The following GRM3 variants were observed in gnomAD, a reference collection of about 807,000 sequenced individuals.
The protein encoded by GRM3 is metabotropic glutamate receptor 3.
GRM3 carries 26 observed loss-of-function variants against 70.5 expected under a neutral mutation model. The ratio of observed to expected loss-of-function variants is 0.37; its 90% confidence interval spans 0.27 to 0.51. The LOEUF is 0.51. Ranked by LOEUF, GRM3 falls within the 20% of genes least tolerant of loss-of-function variation. The pLI is 0.93. For missense variants in GRM3, 859 were observed against 1,123.8 expected (o/e 0.76, Z 3.37); for synonymous variants, 443 against 434.9 (o/e 1.02, Z -0.23).
At chr7:86,679,220 G>T (rs1403468252) in intron 1 of GRM3, among the ~76,000 whole-genome samples, 1 of 151,906 alleles carries the variant, frequency 6.6e-6, no homozygotes, top group African/African-American at 2.4e-5. Flanking sequence ...TAGATGTGAT[G>T]AATTTGTAGA....
Position 86,644,778 on chromosome 7 carries a change from G to A in GRM3, c.-235G>A. 7.8e-7 allele frequency: 1 copy of A among 1,288,634 alleles called. No individual in the cohort carries two copies. Among genetic ancestry groups the A allele is most frequent in the Non-Finnish European group, 1.0e-6 (1 of 987,774 alleles). 79.8% of individuals were successfully genotyped at this position (1,288,634 alleles called of 1,614,324 possible). A position where few individuals can be genotyped will look rare whatever the true frequency, so the allele number is the denominator to read the frequency against. Reference sequence around the variant, plus strand: ...AGCTACCTCTTTTGTGTCGGATGAGGAGGACCAACCATGAGCCAGAGCCCG... The same window carrying A: ...AGCTACCTCTTTTGTGTCGGATGAGAAGGACCAACCATGAGCCAGAGCCCG... On this transcript the variant is annotated 5_prime_UTR_variant, in exon 1 of 6. Coordinates refer to ENST00000361669, the MANE Select transcript of GRM3 (RefSeq NM_000840.3).
At chr7:86,645,027 G>A (rs754803743) in intron 1 of GRM3, 155 bp downstream of exon 1, 6 of 365,696 alleles carry the variant, frequency 1.6e-5, no homozygotes, top group African/African-American at 2.1e-5. Context: ...GTGGAGGGCA[G>A]AGGCGATGTG....
intron 5 of GRM3, among the ~76,000 whole-genome samples, chr7:86,854,814 T>C (rs990235832): frequency 4.6e-5 from 7 of 152,088 alleles, no homozygotes; most frequent in Non-Finnish European, 1.0e-4. Flanking sequence ...TGCAGGGAGG[T>C]TCTCTAGCCC....
intron 1 of GRM3, among the ~76,000 whole-genome samples, chr7:86,725,137 G>T (rs1795562109): frequency 6.6e-6 from 1 of 151,994 alleles, no homozygotes; most frequent in Admixed American, 6.6e-5. Context: ...TATAACTTTA[G>T]GTACATTTCT....
intron 1 of GRM3, among the ~76,000 whole-genome samples, chr7:86,650,241 G>A (rs1793571991): frequency 6.6e-6 from 1 of 152,138 alleles, no homozygotes; most frequent in Non-Finnish European, 1.5e-5. Flanking sequence ...GCAAGATAAA[G>A]TAACTTGCCC....
intron 1 of GRM3, among the ~76,000 whole-genome samples, chr7:86,684,052 A>G (rs1435821200): frequency 3.3e-5 from 5 of 149,324 alleles, no homozygotes; most frequent in African/African-American, 1.2e-4. Context: ...TTTGCTGGGG[A>G]TTTTTTTTTT....
At position 86,719,109 on chromosome 7, in the gene GRM3, G is replaced by A. The variant is rs139698144; in HGVS notation, c.-140-45897G>A. Among the ~76,000 whole-genome samples the A allele has an allele frequency of 3.9e-5, 6 of 151,930 alleles. No individual in the cohort carries two copies. The East Asian group carries it at 1.2e-3, about 29-fold the overall frequency. On this transcript the variant is annotated intron_variant, in intron 1 of 5. Transcript: ENST00000361669. ...TACTCATCTATATAAAGAAGGTTCTGATCCAAGCAGTTCTGGGGGAAAAAA... is the reference window on the plus strand; with the variant it reads ...TACTCATCTATATAAAGAAGGTTCTAATCCAAGCAGTTCTGGGGGAAAAAA...
intron 1 of GRM3, among the ~76,000 whole-genome samples, chr7:86,689,270 G>C (rs1402933584): frequency 6.6e-6 from 1 of 151,772 alleles, no homozygotes; most frequent in Non-Finnish European, 1.5e-5. Context: ...ACACTATATA[G>C]AAAGTTGCCA....
At position 86,644,603 on chromosome 7, in the gene GRM3, C is replaced by T. The variant is rs1793407237; in HGVS notation, c.-410C>T. ...TTCCCACTCCCCACTGACTCGGATG[C>T]CTGGATGTTCTGCCACCGGGCAGTG... On this transcript the variant is annotated 5_prime_UTR_variant, in exon 1 of 6. Coordinates refer to ENST00000361669, the MANE Select transcript of GRM3 (RefSeq NM_000840.3). 1.3e-4 allele frequency: 55 copies of T among 427,568 alleles called. 1 individual carries two copies. Among genetic ancestry groups the T allele is most frequent in the South Asian group, 8.9e-4 (51 of 57,586 alleles). 26.5% of individuals were successfully genotyped at this position (427,568 alleles called of 1,614,324 possible).
chr7:86,695,732 A>AATTTT (rs1794800048), intron 1 of GRM3, among the ~76,000 whole-genome samples: 2 of 152,238 alleles, frequency 1.3e-5, no homozygotes, highest in African/African-American at 4.8e-5. Context: ...TAAAGGAGAT[A>AATTTT]AAGTGTTAGA....
intron 3 of GRM3, among the ~76,000 whole-genome samples, chr7:86,825,837 CT>C (rs1455609128): frequency 6.6e-6 from 1 of 152,156 alleles, no homozygotes; most frequent in Non-Finnish European, 1.5e-5. Context: ...TTTTCAAATA[CT>C]TTTTAATAGT....
chr7:86,801,150 A>C (rs1188969481), intron 3 of GRM3, among the ~76,000 whole-genome samples: 1 of 141,306 alleles, frequency 7.1e-6, no homozygotes, highest in Non-Finnish European at 1.5e-5. Flanking sequence ...AGCTCACTGC[A>C]ACCTCTGCCT....
At chr7:86,690,655 C>T (rs370689349) in intron 1 of GRM3, among the ~76,000 whole-genome samples, 2 of 152,030 alleles carry the variant, frequency 1.3e-5, no homozygotes, top group East Asian at 3.9e-4. Flanking sequence ...TAGATAGTGA[C>T]ACCATTTACT....
In GRM3 at chr7:86,749,273, C is replaced by G. The variant is rs759037899; in HGVS notation, c.-140-15733C>G. On this transcript the variant is annotated intron_variant, in intron 1 of 5. Transcript: ENST00000361669. ...TTGGGTGACATCTTGTGTGCCCCACCACAGGTCCTATAAAGTGGCAGCCCT... is the reference window on the plus strand; with the variant it reads ...TTGGGTGACATCTTGTGTGCCCCACGACAGGTCCTATAAAGTGGCAGCCCT... Among the ~76,000 whole-genome samples, 16 of 152,050 alleles carry G rather than the reference C, an allele frequency of 1.1e-4. No individual in the cohort carries two copies. In the South Asian group the frequency reaches 1.5e-3, roughly 14 times the overall value.
chr7:86,659,264 A>G (rs1253876111), intron 1 of GRM3, among the ~76,000 whole-genome samples: 1 of 152,180 alleles, frequency 6.6e-6, no homozygotes, highest in Non-Finnish European at 1.5e-5. Context: ...CCTCTACACC[A>G]TTTTTAGAAG....
chr7:86,701,508 T>A (rs575517447), intron 1 of GRM3, among the ~76,000 whole-genome samples: 1 of 152,084 alleles, frequency 6.6e-6, no homozygotes, highest in African/African-American at 2.4e-5. Flanking sequence ...TTGCTAAAAC[T>A]GTTTCTCCCT....
Position 86,730,497 on chromosome 7 carries a change from G to T in GRM3, c.-140-34509G>T, listed in dbSNP as rs545894352. Among the ~76,000 whole-genome samples the T allele has an allele frequency of 2.4e-4, 36 of 152,346 alleles. No individual in the cohort carries two copies. In the South Asian group the frequency reaches 7.5e-3, roughly 32 times the overall value. ...AGTGTAAAGGGCTTCACTAGAAAGG[G>T]ATGGCCCAGCAGTTGACTTCTTAGG... is the stretch of plus-strand genomic sequence containing the variant. On this transcript the variant is annotated intron_variant, in intron 1 of 5. Coordinates refer to ENST00000361669, the MANE Select transcript of GRM3 (RefSeq NM_000840.3).
intron 4 of GRM3, among the ~76,000 whole-genome samples, chr7:86,846,139 C>T (rs1174012593): frequency 1.3e-5 from 2 of 152,188 alleles, no homozygotes; most frequent in Non-Finnish European, 2.9e-5. Flanking sequence ...TTTGTCAACA[C>T]TGTAAACCAA....
intron 4 of GRM3, among the ~76,000 whole-genome samples, chr7:86,842,417 G>A (rs1184005807): frequency 6.6e-6 from 1 of 152,126 alleles, no homozygotes; most frequent in Non-Finnish European, 1.5e-5. Context: ...CACCCCTGAA[G>A]ACAGAGCACT....
Sources: allele counts gnomAD v4.1 joint callset (sites outside exome capture counted in the v4.1 genomes callset), GRCh38; gene constraint gnomAD v4.1.1; transcripts MANE v1.5; gene names NCBI Gene and HGNC (gene_info 2026-07-23, HGNC 2026-07-21).